The following ACO1 variants were observed in gnomAD, a reference collection of about 807,000 sequenced individuals.
The protein encoded by ACO1 is aconitase 1, also known as cytoplasmic aconitate hydratase.
A neutral mutation model predicts 105.1 loss-of-function variants in ACO1; 78 were observed. That is an observed-to-expected ratio of 0.74 (90% confidence interval 0.62 to 0.90). The LOEUF (loss-of-function observed/expected upper bound fraction) is 0.90. ACO1 is among the 40% of genes least tolerant of loss of function. The pLI is 0.00. For synonymous variants in ACO1, 364 were observed against 397.4 expected (o/e 0.92, Z 1.00); for missense variants, 965 against 1,111.1 (o/e 0.87, Z 1.87).
intron 19 of ACO1, among the ~76,000 whole-genome samples, chr9:32,447,687 T>C (rs760777933): frequency 1.3e-5 from 2 of 152,234 alleles, no homozygotes; most frequent in African/African-American, 2.4e-5. Context: ...TGCTGGTTTC[T>C]CCCCATCTTT....
intron 3 of ACO1, among the ~76,000 whole-genome samples, 187 bp downstream of exon 3, chr9:32,407,616 G>A (rs931185353): frequency 6.6e-6 from 1 of 152,190 alleles, no homozygotes; most frequent in Non-Finnish European, 1.5e-5. Flanking sequence ...GCAGCAAGAG[G>A]AAACCAGGAT....
At chr9:32,421,799 AG>A (rs1289378301) in intron 8 of ACO1, among the ~76,000 whole-genome samples, 2 of 152,172 alleles carry the variant, frequency 1.3e-5, no homozygotes, top group Non-Finnish European at 2.9e-5. Context: ...ATAATGAGAA[AG>A]AAAGGGGAGG....
At chr9:32,386,122 T>G (rs957899511) in intron 1 of ACO1, among the ~76,000 whole-genome samples, 1 of 152,186 alleles carries the variant, frequency 6.6e-6, no homozygotes, top group Non-Finnish European at 1.5e-5. Context: ...GCATCAGGAT[T>G]ACAACAGTGA....
intron 6 of ACO1, 28 bp from the exon 7 acceptor site, chr9:32,419,010 A>G: frequency 6.4e-7 from 1 of 1,552,760 alleles, no homozygotes; most frequent in Non-Finnish European, 8.7e-7. Context: ...TAATGAAGGC[A>G]TTCTTCCGGT....
At chr9:32,428,434 A>G (rs1409230455) in intron 12 of ACO1, among the ~76,000 whole-genome samples, 2 of 152,066 alleles carry the variant, frequency 1.3e-5, no homozygotes, top group Non-Finnish European at 1.5e-5. Flanking sequence ...CTCCTGTGAT[A>G]ATAATGCCTC....
intron 1 of ACO1, among the ~76,000 whole-genome samples, chr9:32,391,563 C>T (rs1345947833): frequency 6.6e-6 from 1 of 152,244 alleles, no homozygotes; most frequent in Non-Finnish European, 1.5e-5. Context: ...CTCTCATCCT[C>T]TTGTCTTGAT....
intron 4 of ACO1, among the ~76,000 whole-genome samples, chr9:32,411,114 A>G (rs943679744): frequency 6.6e-6 from 1 of 152,180 alleles, no homozygotes; most frequent in African/African-American, 2.4e-5. Context: ...GATCAAAGCA[A>G]ATCACATGGT....
intron 19 of ACO1, chr9:32,445,964 G>A (rs568328516): frequency 6.6e-6 from 1 of 152,344 alleles, no homozygotes; most frequent in Admixed American, 6.5e-5. Context: ...ATTGCACTGT[G>A]GTCTGAGAGA....
At chr9:32,419,284 T>C (rs934500863) in intron 7 of ACO1, 107 bp downstream of exon 7, 5 of 1,239,664 alleles carry the variant, frequency 4.0e-6, no homozygotes, top group Non-Finnish European at 5.4e-6. Context: ...GCTCTAGCAA[T>C]GCAAGGAAAC....
chr9:32,431,966 T>A, intron 15 of ACO1, 123 bp downstream of exon 15: 2 of 1,156,960 alleles, frequency 1.7e-6, no homozygotes, highest in Non-Finnish European at 2.3e-6. Flanking sequence ...ATTTATTTCT[T>A]CAGATGACTG....
chr9:32,434,663 A>G lies in ACO1; in HGVS notation c.2061A>G (p.Ala687=). ...ACATCTCCCCAGCTGGAAATATTGC[A>G]AGAAACAGTCCTGCTGCTCGCTACT... is the stretch of plus-strand genomic sequence containing the variant. The part of the protein sequence containing the change: ...TDHISPAGNI[A]RNSPAARYLT... The change falls in exon 17 of 21, where the codon GCA becomes GCG. Residue 687 remains alanine, a synonymous_variant. Transcript: ENST00000309951. The G allele has an allele frequency of 6.2e-7, 1 of 1,614,152 alleles. No individual in the cohort carries two copies.
intron 1 of ACO1, among the ~76,000 whole-genome samples, chr9:32,387,336 A>G (rs1157263264): frequency 6.6e-6 from 1 of 152,226 alleles, no homozygotes; most frequent in Non-Finnish European, 1.5e-5. Context: ...GCATTTGTGC[A>G]TATCTCTTCC....
chr9:32,429,159 G>T (rs1587543622), intron 12 of ACO1, among the ~76,000 whole-genome samples: 1 of 152,168 alleles, frequency 6.6e-6, no homozygotes, highest in Non-Finnish European at 1.5e-5. Context: ...TGAAGATATG[G>T]CATATATGAT....
In ACO1 at chr9:32,453,335, G is replaced by C. The variant is rs1333986193; in HGVS notation, c.*3224G>C. Reference sequence around the variant, plus strand: ...GGCATGAATCTTAGCTGTGGTAGAAGCACAGCTCAAATTAGCTTAAGGAAA... The same window carrying C: ...GGCATGAATCTTAGCTGTGGTAGAACCACAGCTCAAATTAGCTTAAGGAAA... On this transcript the variant is annotated 3_prime_UTR_variant, in exon 21 of 21. Transcript: ENST00000309951. 3 of 142,396 alleles carry C rather than the reference G, an allele frequency of 2.1e-5. No homozygotes were observed. The highest frequency in any genetic ancestry group is 7.8e-5 in the African/African-American group (3 of 38,262). 8.8% of individuals were successfully genotyped at this position (142,396 alleles called of 1,614,324 possible).
chr9:32,437,792 A>C (rs1367887297), intron 18 of ACO1, among the ~76,000 whole-genome samples: 1 of 152,210 alleles, frequency 6.6e-6, no homozygotes, highest in Non-Finnish European at 1.5e-5. Flanking sequence ...GAAGACAAGA[A>C]AGAATGTTTT....
intron 2 of ACO1, among the ~76,000 whole-genome samples, chr9:32,406,274 A>G (rs972043139): frequency 6.8e-6 from 1 of 146,100 alleles, no homozygotes; most frequent in Non-Finnish European, 1.5e-5. Context: ...CATTAGTTTC[A>G]TAAGGACTAT....
In ACO1 at chr9:32,450,704, AGATCCACATAAAAAG is replaced by A; in HGVS notation, c.*594_*608del. 6.6e-6 allele frequency: 1 copy of A among 152,246 alleles called. No individual in the cohort carries two copies. The highest frequency in any genetic ancestry group is 3.4e-3 in the Middle Eastern group (1 of 294). The allele number at this position is 152,246 out of a possible 1,614,324, so 9.4% of individuals were successfully genotyped here. A position where few individuals can be genotyped will look rare whatever the true frequency, so the allele number is the denominator to read the frequency against. On this transcript the variant is annotated 3_prime_UTR_variant, in exon 21 of 21. Coordinates refer to ENST00000309951, the MANE Select transcript of ACO1 (RefSeq NM_002197.3). ...TTGTTTTGATTATGTACCTTTTGAT[AGATCCACATAAAAAG>A]AAATGTGAAGTTTTCTTTTACTATC...
At chr9:32,411,035 G>A (rs1421249098) in intron 4 of ACO1, among the ~76,000 whole-genome samples, 1 of 152,074 alleles carries the variant, frequency 6.6e-6, no homozygotes, top group African/African-American at 2.4e-5. Flanking sequence ...GGGGGCAAGT[G>A]AAAACACACA....
At chr9:32,415,673 C>T (rs868368283) in intron 4 of ACO1, among the ~76,000 whole-genome samples, 3 of 152,144 alleles carry the variant, frequency 2.0e-5, no homozygotes, top group Admixed American at 6.5e-5. Flanking sequence ...CTGCTGATGC[C>T]GGTGTCGGTG....
Sources: allele counts gnomAD v4.1 joint callset (sites outside exome capture counted in the v4.1 genomes callset), GRCh38; gene constraint gnomAD v4.1.1; transcripts MANE v1.5; gene names NCBI Gene and HGNC (gene_info 2026-07-23, HGNC 2026-07-21).